The following DPH6 variants were observed in gnomAD, a reference collection of about 807,000 sequenced individuals.
DPH6 encodes diphthine--ammonia ligase.
Under a neutral mutation model 38.2 loss-of-function variants are expected in DPH6, and 33 were observed. The ratio of observed to expected loss-of-function variants is 0.86; its 90% confidence interval spans 0.65 to 1.15. The LOEUF (loss-of-function observed/expected upper bound fraction) is 1.15, where lower values mean the gene tolerates loss of function less well. Ranked by LOEUF, DPH6 falls within the 50% of genes most tolerant of loss-of-function variation. The pLI is 0.00. For missense variants in DPH6, 325 were observed against 320.0 expected, an observed-to-expected ratio of 1.02 and a Z score of -0.12; for synonymous variants, 108 against 103.0, an observed-to-expected ratio of 1.05 and a Z score of -0.30.
chr15:35,278,359 A>C (rs112506128), intron 3 of DPH6, among the ~76,000 whole-genome samples: 150 of 152,360 alleles, frequency 9.8e-4, no homozygotes, highest in African/African-American at 3.5e-3. Context: ...GTGGCTGCAC[A>C]GAATGCAAGG....
At chr15:35,374,923 C>G (rs1251056546) in intron 7 of DPH6, among the ~76,000 whole-genome samples, 1 of 152,058 alleles carries the variant, frequency 6.6e-6, no homozygotes, top group Admixed American at 6.6e-5. Flanking sequence ...TTTCCATTTC[C>G]TCCACAGTTG....
intron 5 of DPH6, among the ~76,000 whole-genome samples, chr15:35,417,767 C>A (rs1401976474): frequency 6.6e-6 from 1 of 152,004 alleles, no homozygotes; most frequent in Non-Finnish European, 1.5e-5. Flanking sequence ...AATTTCTAAG[C>A]AGTAGCCATT....
rs993653387 is a variant in DPH6, at chr15:35,405,682, G to A, written c.567+5153C>T. ...ATTTGACTTCTTTTCCAATTTGGAT[G>A]CTCTATATCTTTCTCTTGTCTGATT... On this transcript the variant is annotated intron_variant, in intron 6 of 8. Coordinates refer to ENST00000256538, the MANE Select transcript of DPH6 (RefSeq NM_080650.4). Among the ~76,000 whole-genome samples the A allele has an allele frequency of 2.0e-5, 3 of 152,062 alleles. No individual in the cohort carries two copies. The East Asian group carries it at 5.8e-4, about 29-fold the overall frequency.
At chr15:35,477,491 A>C (rs897845964) in intron 3 of DPH6, among the ~76,000 whole-genome samples, 3 of 151,884 alleles carry the variant, frequency 2.0e-5, no homozygotes, top group African/African-American at 7.2e-5. Flanking sequence ...TTCATTCATT[A>C]GAGTGGTGCC....
chr15:35,358,987 G>C (rs992291715), intron 3 of DPH6, among the ~76,000 whole-genome samples: 3 of 152,122 alleles, frequency 2.0e-5, no homozygotes, highest in Non-Finnish European at 2.9e-5. Context: ...AGGTTGGGTA[G>C]GGAAGGACCA....
At position 35,226,445 on chromosome 15, in the gene DPH6, G is replaced by C. The variant is rs977498036; in HGVS notation, n.201-5863C>G. Among the ~76,000 whole-genome samples, 67 of 152,148 alleles carry C rather than the reference G, an allele frequency of 4.4e-4. 1 individual carries two copies. Among genetic ancestry groups the C allele is most frequent in the Middle Eastern group, 3.4e-3 (1 of 294 alleles). The stretch of plus-strand genomic sequence containing the variant: ...TTTCCACATACATTTAAAAAAAATA[G>C]GTAAAGAAAAGTGCAGCACAACTAT... On this transcript the variant is annotated intron_variant and non_coding_transcript_variant, in intron 3 of 3. Transcript: ENST00000560386.
At chr15:35,167,220 CAGA>C in the DPH6 span, among the ~76,000 whole-genome samples, 1 of 151,944 alleles carries the variant, frequency 6.6e-6, no homozygotes, top group Non-Finnish European at 1.5e-5. Context: ...CTGGAAGACT[CAGA>C]AGAATAACAA....
intron 6 of DPH6, among the ~76,000 whole-genome samples, chr15:35,392,606 A>C (rs894548785): frequency 3.9e-5 from 6 of 152,228 alleles, no homozygotes; most frequent in African/African-American, 1.4e-4. Context: ...ACTAGGGATA[A>C]AAATGGGAGC....
intron 3 of DPH6, among the ~76,000 whole-genome samples, chr15:35,252,362 AAAG>A (rs2140410403): frequency 6.6e-6 from 1 of 152,332 alleles, no homozygotes. Context: ...AGAAAGAAAC[AAAG>A]ATTTTGTGTT....
At chr15:35,448,987 T>TTTTC (rs2053893410) in intron 5 of DPH6, among the ~76,000 whole-genome samples, 1 of 131,554 alleles carries the variant, frequency 7.6e-6, no homozygotes, top group South Asian at 2.8e-4. Flanking sequence ...TTGTCTCATT[T>TTTTC]TTTTTTTTTT....
At chr15:35,487,577 G>A (rs954185090) in intron 3 of DPH6, among the ~76,000 whole-genome samples, 28 of 152,232 alleles carry the variant, frequency 1.8e-4, no homozygotes, top group African/African-American at 6.3e-4. Context: ...ATGTTGTGAG[G>A]CTGTGCAGAG....
intron 7 of DPH6, among the ~76,000 whole-genome samples, chr15:35,374,492 G>A (rs901689068): frequency 6.6e-6 from 1 of 151,748 alleles, no homozygotes; most frequent in African/African-American, 2.4e-5. Context: ...GTTACTCGGT[G>A]GCAATAGAAG....
the DPH6 span, among the ~76,000 whole-genome samples, chr15:35,197,767 T>C: frequency 1.3e-5 from 2 of 152,226 alleles, no homozygotes; most frequent in Admixed American, 6.5e-5. Context: ...CACATAATGC[T>C]CTGAGTGAAG....
At chr15:35,272,907 A>C (rs1466759346) in intron 3 of DPH6, among the ~76,000 whole-genome samples, 1 of 145,802 alleles carries the variant, frequency 6.9e-6, no homozygotes, top group African/African-American at 2.6e-5. Flanking sequence ...ACCCCATCTA[A>C]AAAAAAAAAA....
chr15:35,462,896 T>G (rs2054082680), intron 3 of DPH6, among the ~76,000 whole-genome samples: 1 of 152,164 alleles, frequency 6.6e-6, no homozygotes, highest in African/African-American at 2.4e-5. Flanking sequence ...TTTCTGTACT[T>G]AAACAATGAC....
At chr15:35,545,957 C>T (rs1329520306) in intron 1 of DPH6, among the ~76,000 whole-genome samples, 162 bp downstream of exon 1, 6 of 149,346 alleles carry the variant, frequency 4.0e-5, no homozygotes, top group Admixed American at 4.0e-4. Flanking sequence ...CACATGCGGG[C>T]CGGCAACAGC....
At chr15:35,284,364 CT>C (rs897139633) in intron 3 of DPH6, among the ~76,000 whole-genome samples, 1 of 151,952 alleles carries the variant, frequency 6.6e-6, no homozygotes, top group Non-Finnish European at 1.5e-5. Context: ...TTTTTTCCCC[CT>C]AAGGTAAAAT....
chr15:35,182,336 T>C, the DPH6 span, among the ~76,000 whole-genome samples: 2 of 149,296 alleles, frequency 1.3e-5, no homozygotes, highest in Non-Finnish European at 3.0e-5. Context: ...ACTATATTAT[T>C]ACCAAAAGTA....
intron 3 of DPH6, among the ~76,000 whole-genome samples, chr15:35,248,836 T>C (rs752599265): frequency 2.6e-5 from 4 of 152,188 alleles, no homozygotes; most frequent in Non-Finnish European, 5.9e-5. Context: ...TATATGCCAA[T>C]GAGATTAGAA....
Sources: allele counts gnomAD v4.1 joint callset (sites outside exome capture counted in the v4.1 genomes callset), GRCh38; gene constraint gnomAD v4.1.1; transcripts MANE v1.5; gene names NCBI Gene and HGNC (gene_info 2026-07-23, HGNC 2026-07-21).